RNF4: variants seen among roughly 807,000 people sequenced by gnomAD.
RNF4 encodes the protein ring finger protein 4, also known as E3 ubiquitin-protein ligase RNF4.
In RNF4, 7 loss-of-function variants were observed where a neutral mutation model predicts 24.3. That is an observed-to-expected ratio of 0.29 (90% CI 0.16 to 0.54). RNF4 has a LOEUF of 0.54. RNF4 is among the 20% of genes least tolerant of loss of function. The pLI, the probability that RNF4 is intolerant of heterozygous loss-of-function variation, is 0.95. For missense variants in RNF4, 209 were observed against 248.5 expected (o/e 0.84, Z 1.07); for synonymous variants, 83 against 84.3 (o/e 0.98, Z 0.09).
chr4:2,485,471 C>G (rs926933621), intron 1 of RNF4, among the ~76,000 whole-genome samples: 2 of 152,184 alleles, frequency 1.3e-5, no homozygotes, highest in African/African-American at 4.8e-5. Context: ...GGCCCTTTCT[C>G]CCTGGGTGTC....
rs191564067 is a variant in RNF4 at position 2,477,374 on chromosome 4, T to C, written c.-158+8116T>C. 3.4e-4 allele frequency among the ~76,000 whole-genome samples: 52 copies of C among 152,038 alleles called. No homozygotes were observed. In the East Asian group the frequency reaches 9.6e-3, roughly 28 times the overall value. Reference sequence around the variant, plus strand: ...GGCCAAGGCGGGCGGATCACGAGGTTAGGAGTTCAAGATGAGTGTGGCCAA... The same window carrying C: ...GGCCAAGGCGGGCGGATCACGAGGTCAGGAGTTCAAGATGAGTGTGGCCAA... On this transcript the variant is annotated intron_variant, in intron 1 of 7. Transcript: ENST00000314289.
chr4:2,470,521 G>C (rs1484929945), intron 1 of RNF4, among the ~76,000 whole-genome samples: 1 of 152,150 alleles, frequency 6.6e-6, no homozygotes, highest in African/African-American at 2.4e-5. Flanking sequence ...ATCGTTTATT[G>C]ATCTTTTCTT....
At chr4:2,500,871 G>C in intron 4 of RNF4, 133 bp downstream of exon 4, 2 of 739,754 alleles carry the variant, frequency 2.7e-6, no homozygotes, top group Non-Finnish European at 2.3e-6. Context: ...GCATCTTGTG[G>C]AATTGAGCTT....
intron 3 of RNF4, 41 bp downstream of exon 3, chr4:2,497,162 T>C (rs377629542): frequency 4.1e-6 from 6 of 1,474,542 alleles, no homozygotes; most frequent in South Asian, 1.2e-5. Flanking sequence ...GGTGTTAAAG[T>C]GGAGAGAGAA....
rs777372357 is a variant in RNF4 at position 2,500,795 on chromosome 4, C to G, written c.204+57C>G. Reference sequence around the variant, plus strand: ...CTTGGGTATGGGTCCCTGGCCAGTGCCAGCATCTGACAGCCTTGGTCACAG... The same window carrying G: ...CTTGGGTATGGGTCCCTGGCCAGTGGCAGCATCTGACAGCCTTGGTCACAG... On this transcript the variant is annotated intron_variant, in intron 4 of 7. Coordinates refer to ENST00000314289, the MANE Select transcript of RNF4 (RefSeq NM_002938.5). 5.9e-6 allele frequency: 9 copies of G among 1,531,428 alleles called. No individual in the cohort carries two copies. In the South Asian group the frequency reaches 1.0e-4, roughly 17 times the overall value. 94.9% of individuals were successfully genotyped at this position (1,531,428 alleles called of 1,614,324 possible). A position where few individuals can be genotyped will look rare whatever the true frequency, so the allele number is the denominator to read the frequency against.
intron 1 of RNF4, among the ~76,000 whole-genome samples, chr4:2,484,659 A>AT (rs1196637119): frequency 1.3e-4 from 20 of 148,590 alleles, no homozygotes; most frequent in African/African-American, 4.7e-4. Context: ...TAATAGCTTT[A>AT]TTGGGGGGGA....
At chr4:2,508,819 T>C (rs1578525397) in intron 4 of RNF4, among the ~76,000 whole-genome samples, 3 of 148,584 alleles carry the variant, frequency 2.0e-5, no homozygotes, top group African/African-American at 5.0e-5. Context: ...TCCATGTTGG[T>C]CAGGCTGGTC....
intron 1 of RNF4, among the ~76,000 whole-genome samples, chr4:2,488,712 G>A (rs972054941): frequency 6.6e-6 from 1 of 152,232 alleles, no homozygotes; most frequent in Admixed American, 6.5e-5. Flanking sequence ...GGTAGGTGCA[G>A]TTCTGTTCTA....
chr4:2,501,492 C>T (rs139834379), intron 4 of RNF4, among the ~76,000 whole-genome samples: 2 of 152,352 alleles, frequency 1.3e-5, no homozygotes, highest in East Asian at 1.9e-4. Flanking sequence ...CGTGTGTATA[C>T]GTGTCCTGCC....
At chr4:2,506,009 G>A (rs1050515336) in intron 4 of RNF4, 2 of 152,102 alleles carry the variant, frequency 1.3e-5, no homozygotes, top group East Asian at 3.9e-4. Context: ...CCCACGCATG[G>A]AAGCTAGGCA....
chr4:2,483,033 G>A (rs1735289963), intron 1 of RNF4, among the ~76,000 whole-genome samples: 1 of 152,206 alleles, frequency 6.6e-6, no homozygotes, highest in Non-Finnish European at 1.5e-5. Context: ...TTATTTAATA[G>A]CACTCATACC....
chr4:2,504,713 G>A (rs988730847), intron 4 of RNF4, among the ~76,000 whole-genome samples: 1 of 138,784 alleles, frequency 7.2e-6, no homozygotes. Context: ...ACCATGCCCG[G>A]CTCATTTTTT....
In RNF4 at chr4:2,497,107, A is replaced by G; in HGVS notation, c.110A>G (p.Glu37Gly). 1 of 1,605,930 alleles carries G rather than the reference A, an allele frequency of 6.2e-7. No individual in the cohort carries two copies. The highest frequency in any genetic ancestry group is 8.5e-7 in the Non-Finnish European group (1 of 1,176,250). Residue 37 changes from glutamate (E) to glycine (G), a missense_variant, in exon 3 of 8, where the codon GAA (glutamate) becomes GGA (glycine). This residue lies in a region of RNF4 where 182 missense variants were observed against 197.2 expected (regional missense o/e 0.92). Transcript: ENST00000314289. ...PEISLEAEPI[E>G]LVETAGDEIV... The stretch of plus-strand genomic sequence containing the variant: ...ATCTCCTTGGAAGCAGAACCCATAG[A>G]ACTCGTGGAAACTGGTAAGATTGCC...
At chr4:2,473,136 C>CT (rs142489895) in intron 1 of RNF4, among the ~76,000 whole-genome samples, 1,651 of 152,092 alleles carry the variant, frequency 0.011, 29 homozygotes, top group African/African-American at 0.038. Flanking sequence ...AATCCCAGCA[C>CT]TTTGGGAGGC....
At chr4:2,510,620 G>A (rs941057974) in intron 4 of RNF4, among the ~76,000 whole-genome samples, 2 of 152,240 alleles carry the variant, frequency 1.3e-5, no homozygotes, top group African/African-American at 2.4e-5. Flanking sequence ...CTAGGATCCT[G>A]GCTGCACGGG....
chr4:2,504,393 T>C (rs184062732), intron 4 of RNF4, among the ~76,000 whole-genome samples: 84 of 152,358 alleles, frequency 5.5e-4, no homozygotes, highest in Non-Finnish European at 7.2e-4. Flanking sequence ...TTAGCCATTC[T>C]GATGCTTGTC....
intron 1 of RNF4, among the ~76,000 whole-genome samples, chr4:2,486,885 T>C (rs1578506848): frequency 6.6e-6 from 1 of 152,188 alleles, no homozygotes; most frequent in Admixed American, 6.6e-5. Context: ...AACAAGCCCC[T>C]ATATGATAGA....
intron 1 of RNF4, among the ~76,000 whole-genome samples, chr4:2,483,261 C>T (rs567374060): frequency 2.0e-5 from 3 of 152,156 alleles, no homozygotes; most frequent in African/African-American, 7.2e-5. Context: ...GTGCTAGGAA[C>T]CATACTGGGT....
chr4:2,486,518 AAG>A (rs1177635713), intron 1 of RNF4, among the ~76,000 whole-genome samples: 1 of 152,032 alleles, frequency 6.6e-6, no homozygotes, highest in East Asian at 1.9e-4. Flanking sequence ...CTAAACCCAA[AAG>A]AGAGAGAAAA....
Sources: allele counts gnomAD v4.1 joint callset (sites outside exome capture counted in the v4.1 genomes callset), GRCh38; gene constraint gnomAD v4.1.1; regional missense constraint gnomAD v4.1.1; transcripts MANE v1.5; gene names NCBI Gene and HGNC (gene_info 2026-07-23, HGNC 2026-07-21).